Variants in RIT2 observed in about 807,000 individuals in gnomAD.
RIT2 encodes the protein Ras like without CAAX 2.
Under a neutral mutation model 23.7 loss-of-function variants are expected in RIT2, and 24 were observed. The ratio of observed to expected loss-of-function variants is 1.01; its 90% confidence interval spans 0.73 to 1.43. The LOEUF is 1.43. RIT2 is among the 40% of genes most tolerant of loss of function. The pLI, the probability that RIT2 is intolerant of heterozygous loss-of-function variation, is 0.00. For synonymous variants in RIT2, 107 were observed against 91.1 expected (o/e 1.17, Z -0.99); for missense variants, 236 against 266.9 (o/e 0.88, Z 0.81).
intron 4 of RIT2, among the ~76,000 whole-genome samples, chr18:42,769,878 T>TAATAAA (rs902273413): frequency 6.4e-5 from 9 of 141,330 alleles, no homozygotes; most frequent in Non-Finnish European, 1.4e-4. Flanking sequence ...ATAATAATAA[T>TAATAAA]AAAGATATAC....
At chr18:43,077,021 T>A (rs1913038767) in intron 1 of RIT2, among the ~76,000 whole-genome samples, 1 of 141,664 alleles carries the variant, frequency 7.1e-6, no homozygotes, top group Non-Finnish European at 1.5e-5. Context: ...GAGAATGGCG[T>A]GAACCCGGGA....
chr18:42,816,832 C>T (rs1206926354), intron 4 of RIT2, among the ~76,000 whole-genome samples: 1 of 152,082 alleles, frequency 6.6e-6, no homozygotes, highest in East Asian at 1.9e-4. Flanking sequence ...GGAGAGGAAA[C>T]TCTTTATTTT....
At chr18:42,977,170 CT>C (rs1401223792) in intron 2 of RIT2, among the ~76,000 whole-genome samples, 2 of 151,980 alleles carry the variant, frequency 1.3e-5, no homozygotes, top group African/African-American at 4.8e-5. Context: ...CTCTAAGGCT[CT>C]TCTTTCATTG....
intron 4 of RIT2, among the ~76,000 whole-genome samples, chr18:42,889,188 A>G (rs894297959): frequency 1.3e-5 from 2 of 152,242 alleles, no homozygotes; most frequent in Admixed American, 1.3e-4. Context: ...TGTTTTAAAA[A>G]TAAATGACAA....
chr18:42,820,316 C>T (rs1199750645), intron 4 of RIT2, among the ~76,000 whole-genome samples: 1 of 151,976 alleles, frequency 6.6e-6, no homozygotes, highest in Admixed American at 6.6e-5. Flanking sequence ...TCATCAGGAC[C>T]CTGACCTCGA....
intron 1 of RIT2, among the ~76,000 whole-genome samples, chr18:43,057,897 G>A (rs1365208499): frequency 6.6e-6 from 1 of 151,098 alleles, no homozygotes; most frequent in East Asian, 2.0e-4. Flanking sequence ...TCCTTGGGAG[G>A]ATTTTGGTGT....
At chr18:42,910,862 C>T (rs1419414285) in intron 4 of RIT2, among the ~76,000 whole-genome samples, 1 of 152,106 alleles carries the variant, frequency 6.6e-6, no homozygotes, top group Admixed American at 6.6e-5. Flanking sequence ...GTAATTATAA[C>T]ATGGGTTTCA....
At chr18:43,024,070 G>T (rs547722595) in intron 2 of RIT2, among the ~76,000 whole-genome samples, 1 of 152,174 alleles carries the variant, frequency 6.6e-6, no homozygotes, top group South Asian at 2.1e-4. Flanking sequence ...GATGGTCAAG[G>T]TATGTCATTC....
At position 43,115,533 on chromosome 18, in the gene RIT2, C is replaced by A; in HGVS notation, c.-14G>T. 1.2e-6 allele frequency: 2 copies of A among 1,601,604 alleles called. No homozygotes were observed. The highest frequency in any genetic ancestry group is 1.1e-5 in the South Asian group (1 of 88,988). ...TTCTACCTCCATCTTACCCGAGGGA[C>A]CGGAGGAAAAAAAGAAGGAGAAAGT... On this transcript the variant is annotated 5_prime_UTR_variant, in exon 1 of 5. Coordinates refer to ENST00000326695, the MANE Select transcript of RIT2 (RefSeq NM_002930.4).
chr18:42,831,575 T>C (rs1906459367), intron 4 of RIT2, among the ~76,000 whole-genome samples: 1 of 152,060 alleles, frequency 6.6e-6, no homozygotes, highest in South Asian at 2.1e-4. Flanking sequence ...GGGGCTTGTT[T>C]GAGGTCTTAA....
chr18:42,852,723 T>C (rs1240771793), intron 4 of RIT2, among the ~76,000 whole-genome samples: 1 of 152,154 alleles, frequency 6.6e-6, no homozygotes, highest in African/African-American at 2.4e-5. Context: ...TGAACTCAAC[T>C]TAATTCTCTT....
intron 1 of RIT2, among the ~76,000 whole-genome samples, chr18:43,071,133 A>G (rs1912887459): frequency 1.3e-5 from 2 of 152,322 alleles, no homozygotes; most frequent in South Asian, 4.1e-4. Flanking sequence ...TGTTGCATCT[A>G]TAAGCAAGGG....
intron 3 of RIT2, among the ~76,000 whole-genome samples, chr18:42,944,642 G>C (rs1415798805): frequency 2.0e-5 from 3 of 152,126 alleles, no homozygotes; most frequent in Admixed American, 2.0e-4. Context: ...TTCTCTCCAA[G>C]ATTGAGAAAT....
At chr18:42,812,419 T>C (rs887036660) in intron 4 of RIT2, among the ~76,000 whole-genome samples, 19 of 152,144 alleles carry the variant, frequency 1.2e-4, no homozygotes, top group Admixed American at 1.3e-4. Flanking sequence ...TCCTTTAAAG[T>C]CATTAGAAGA....
At chr18:43,029,137 T>C (rs990532203) in intron 2 of RIT2, among the ~76,000 whole-genome samples, 1 of 152,078 alleles carries the variant, frequency 6.6e-6, no homozygotes. Context: ...ATATATAGCA[T>C]TTTATTCTTT....
intron 3 of RIT2, among the ~76,000 whole-genome samples, chr18:42,936,164 C>T (rs145865850): frequency 8.3e-4 from 127 of 152,110 alleles, no homozygotes; most frequent in African/African-American, 2.8e-3. Flanking sequence ...TTTGATCCAG[C>T]TTTAGGAAAT....
At chr18:42,754,592 C>T (rs1913118967) in intron 4 of RIT2, among the ~76,000 whole-genome samples, 1 of 152,156 alleles carries the variant, frequency 6.6e-6, no homozygotes, top group African/African-American at 2.4e-5. Context: ...CTCTGCTTTG[C>T]TGTGCAGCTT....
chr18:42,970,803 T>C (rs538328182), intron 3 of RIT2, among the ~76,000 whole-genome samples: 6 of 152,144 alleles, frequency 3.9e-5, no homozygotes, highest in African/African-American at 1.4e-4. Context: ...AAAATACACA[T>C]TTTTTCCTGG....
chr18:42,798,862 C>G (rs1330174735), intron 4 of RIT2, among the ~76,000 whole-genome samples: 1 of 152,216 alleles, frequency 6.6e-6, no homozygotes, highest in Non-Finnish European at 1.5e-5. Context: ...GGTGATAACT[C>G]TGATGCAGAT....
Sources: gnomAD v4.1 joint callset for allele counts (sites outside exome capture counted in the v4.1 genomes callset) on GRCh38, gnomAD v4.1.1 for gene constraint, MANE v1.5 for transcripts, NCBI Gene and HGNC (gene_info 2026-07-23, HGNC 2026-07-21) for gene names.